The following VAX2 variants were observed in gnomAD, a reference collection of about 807,000 sequenced individuals.
The protein encoded by VAX2 is ventral anterior homeobox 2.
A neutral mutation model predicts 12.5 loss-of-function variants in VAX2; 8 were observed. The ratio of observed to expected loss-of-function variants is 0.64; its 90% confidence interval spans 0.37 to 1.15. VAX2 has a LOEUF of 1.15. Ranked by LOEUF, VAX2 falls within the 50% of genes most tolerant of loss-of-function variation. VAX2 has a pLI of 0.01. For synonymous variants in VAX2, 183 were observed against 187.6 expected (o/e 0.98, Z 0.20); for missense variants, 476 against 412.9 (o/e 1.15, Z -1.32).
intron 2 of VAX2, among the ~76,000 whole-genome samples, chr2:70,921,895 C>A (rs1679466428): frequency 6.6e-6 from 1 of 152,138 alleles, no homozygotes; most frequent in African/African-American, 2.4e-5. Flanking sequence ...TGAATGGAGA[C>A]CCTTCAAGCT....
intron 1 of VAX2, among the ~76,000 whole-genome samples, chr2:70,908,083 G>C (rs782803021): frequency 1.8e-4 from 28 of 152,176 alleles, no homozygotes; most frequent in Non-Finnish European, 4.4e-5. Context: ...ACCTTTGACT[G>C]TTTCTGTGGG....
chr2:70,924,383 ACGGGGT>A (rs1233763074), intron 2 of VAX2: 1 of 147,078 alleles, frequency 6.8e-6, no homozygotes, highest in Non-Finnish European at 1.5e-5. Flanking sequence ...TACTGTAGAG[ACGGGGT>A]CTCGCTTTGT....
At position 70,900,580 on chromosome 2, in the gene VAX2, T is replaced by C. The variant is rs1454440148; in HGVS notation, c.-42T>C. On this transcript the variant is annotated 5_prime_UTR_variant, in exon 1 of 3. Coordinates refer to ENST00000234392, the MANE Select transcript of VAX2 (RefSeq NM_012476.3). Reference sequence around the variant, plus strand: ...CGGGGAGCGGCGCTCCCGGCCAGCGTAGGCTGGCTCCGCCGTAGAGGGGTT... The same window carrying C: ...CGGGGAGCGGCGCTCCCGGCCAGCGCAGGCTGGCTCCGCCGTAGAGGGGTT... 3 of 1,236,530 alleles carry C rather than the reference T, an allele frequency of 2.4e-6. No homozygotes were observed. The highest frequency in any genetic ancestry group is 8.5e-5 in the Admixed American group (2 of 23,548). The allele number at this position is 1,236,530 out of a possible 1,614,324, so 76.6% of individuals were successfully genotyped here. A position where few individuals can be genotyped will look rare whatever the true frequency, so the allele number is the denominator to read the frequency against.
At chr2:70,901,676 C>T (rs781859612) in intron 1 of VAX2, among the ~76,000 whole-genome samples, 1 of 152,270 alleles carries the variant, frequency 6.6e-6, no homozygotes, top group Non-Finnish European at 1.5e-5. Flanking sequence ...GAGGCCGAGG[C>T]TCCCCAGGTC....
intron 1 of VAX2, among the ~76,000 whole-genome samples, chr2:70,916,742 C>T (rs1679314057): frequency 6.6e-6 from 1 of 152,136 alleles, no homozygotes; most frequent in Non-Finnish European, 1.5e-5. Context: ...AGTTACACCA[C>T]AGTTTGTTTA....
rs782062876 is a variant in VAX2 at position 70,933,267 on chromosome 2, G to A, written c.*63G>A. On this transcript the variant is annotated 3_prime_UTR_variant, in exon 3 of 3. Coordinates refer to ENST00000234392, the MANE Select transcript of VAX2 (RefSeq NM_012476.3). ...CCTTCCCAGTCTCCTGTGCCCCAGCGGACAGCACTGAGCAGGCCCCGGAGA... is the reference window on the plus strand; with the variant it reads ...CCTTCCCAGTCTCCTGTGCCCCAGCAGACAGCACTGAGCAGGCCCCGGAGA... 4.4e-5 allele frequency: 63 copies of A among 1,433,224 alleles called. No homozygotes were observed. The highest frequency in any genetic ancestry group is 1.8e-4 in the Middle Eastern group (1 of 5,504). 88.8% of individuals were successfully genotyped at this position (1,433,224 alleles called of 1,614,324 possible).
At chr2:70,905,710 G>C (rs1426828255) in intron 1 of VAX2, among the ~76,000 whole-genome samples, 3 of 152,208 alleles carry the variant, frequency 2.0e-5, no homozygotes, top group Non-Finnish European at 4.4e-5. Context: ...TGGTCCCCCA[G>C]GTAGCTTCTG....
intron 2 of VAX2, among the ~76,000 whole-genome samples, chr2:70,930,611 T>C (rs1679674061): frequency 6.6e-6 from 1 of 152,188 alleles, no homozygotes; most frequent in East Asian, 1.9e-4. Flanking sequence ...AGGCCTCACT[T>C]TCTGAAGGCC....
chr2:70,930,169 G>A (rs1679662333), intron 2 of VAX2, among the ~76,000 whole-genome samples: 1 of 152,192 alleles, frequency 6.6e-6, no homozygotes, highest in Admixed American at 6.5e-5. Flanking sequence ...GTGTACTGCA[G>A]CCCAGGCAGA....
At chr2:70,912,342 A>G (rs1679204447) in intron 1 of VAX2, among the ~76,000 whole-genome samples, 1 of 152,274 alleles carries the variant, frequency 6.6e-6, no homozygotes, top group East Asian at 1.9e-4. Flanking sequence ...AGGTGGGGGC[A>G]GGAAGGGCCT....
At chr2:70,903,528 T>C (rs6546652) in intron 1 of VAX2, among the ~76,000 whole-genome samples, 141,339 of 152,276 alleles carry the variant, frequency 0.93, 65,725 homozygotes, top group East Asian at 1. Flanking sequence ...ACTGACCTTA[T>C]AGCCCTTTAA....
At chr2:70,917,476 A>C (rs916459528) in intron 1 of VAX2, among the ~76,000 whole-genome samples, 1 of 152,086 alleles carries the variant, frequency 6.6e-6, no homozygotes, top group East Asian at 1.9e-4. Flanking sequence ...TTCCATTCCT[A>C]CCAGCAATGT....
intron 1 of VAX2, among the ~76,000 whole-genome samples, chr2:70,901,463 C>T (rs527881340): frequency 3.9e-5 from 6 of 152,366 alleles, no homozygotes; most frequent in Admixed American, 3.3e-4. Context: ...TTCCTCGCGG[C>T]GCCTGGGCCC....
intron 1 of VAX2, among the ~76,000 whole-genome samples, 189 bp downstream of exon 1, chr2:70,901,057 G>A (rs1372760486): frequency 1.3e-5 from 2 of 152,250 alleles, no homozygotes; most frequent in African/African-American, 4.8e-5. Context: ...AAGGGACAAA[G>A]CAGCGAATGG....
intron 1 of VAX2, among the ~76,000 whole-genome samples, chr2:70,916,231 A>T (rs1679302830): frequency 6.6e-6 from 1 of 152,242 alleles, no homozygotes; most frequent in Admixed American, 6.5e-5. Context: ...GCAAGGAGTT[A>T]TAAAAATAGT....
intron 1 of VAX2, among the ~76,000 whole-genome samples, chr2:70,920,669 G>A (rs1395299546): frequency 1.0e-4 from 15 of 145,962 alleles, no homozygotes; most frequent in Admixed American, 9.5e-4. Context: ...ACACACACAC[G>A]CACAGCTTAG....
chr2:70,918,581 C>A (rs1241935507), intron 1 of VAX2, among the ~76,000 whole-genome samples: 1 of 152,196 alleles, frequency 6.6e-6, no homozygotes, highest in Non-Finnish European at 1.5e-5. Flanking sequence ...TCATTTCAAC[C>A]TATTAATTGA....
chr2:70,900,885 C>T lies in VAX2; in HGVS notation c.247+17C>T, dbSNP rs943623572. On this transcript the variant is annotated intron_variant, in intron 1 of 2. Coordinates refer to ENST00000234392, the MANE Select transcript of VAX2 (RefSeq NM_012476.3). The stretch of plus-strand genomic sequence containing the variant: ...TGGTGCGAGGTAAGGGGACAGCCCG[C>T]GGCCCTGCTCCACTGGACCCTCACC... The T allele has an allele frequency of 7.3e-7, 1 of 1,377,954 alleles. No individual in the cohort carries two copies. The highest frequency in any genetic ancestry group is 9.4e-7 in the Non-Finnish European group (1 of 1,061,434). 85.4% of individuals were successfully genotyped at this position (1,377,954 alleles called of 1,614,324 possible).
At chr2:70,930,145 C>T (rs541122566) in intron 2 of VAX2, among the ~76,000 whole-genome samples, 1 of 152,346 alleles carries the variant, frequency 6.6e-6, no homozygotes, top group Non-Finnish European at 1.5e-5. Context: ...CTGCAGTGAG[C>T]TCTCATGACA....
Sources: gnomAD v4.1 joint callset for allele counts (sites outside exome capture counted in the v4.1 genomes callset) on GRCh38, gnomAD v4.1.1 for gene constraint, MANE v1.5 for transcripts, NCBI Gene and HGNC (gene_info 2026-07-23, HGNC 2026-07-21) for gene names.